Variants in DNAJC1 observed in about 807,000 individuals in gnomAD.
DNAJC1 encodes the protein DnaJ heat shock protein family (Hsp40) member C1, also known as dnaJ homolog subfamily C member 1.
Under a neutral mutation model 76.6 loss-of-function variants are expected in DNAJC1, and 58 were observed. That is an observed-to-expected ratio of 0.76 (90% CI 0.61 to 0.94). DNAJC1 has a LOEUF of 0.94. Ranked by LOEUF, DNAJC1 falls within the 40% of genes least tolerant of loss-of-function variation. The pLI is 0.00. For missense variants in DNAJC1, 689 were observed against 677.3 expected, an observed-to-expected ratio of 1.02 and a Z score of -0.19; for synonymous variants, 258 against 267.9, an observed-to-expected ratio of 0.96 and a Z score of 0.36.
In DNAJC1 at chr10:22,003,608, C is replaced by T. The variant is rs1564851046; in HGVS notation, c.-174G>A. 2.8e-6 allele frequency: 2 copies of T among 723,528 alleles called. No individual in the cohort carries two copies. The highest frequency in any genetic ancestry group is 3.8e-6 in the Non-Finnish European group (2 of 525,438). The allele number at this position is 723,528 out of a possible 1,614,324, so 44.8% of individuals were successfully genotyped here. On this transcript the variant is annotated 5_prime_UTR_variant, in exon 1 of 12. Coordinates refer to ENST00000376980, the MANE Select transcript of DNAJC1 (RefSeq NM_022365.4). Reference sequence around the variant, plus strand: ...GACAGAGCGCGGAGGCGGCGGGAGCCGGCTGCCGGACGGGCGGGTGGGTAG... The same window carrying T: ...GACAGAGCGCGGAGGCGGCGGGAGCTGGCTGCCGGACGGGCGGGTGGGTAG...
chr10:21,892,641 C>G (rs1162007091), intron 7 of DNAJC1, among the ~76,000 whole-genome samples: 1 of 151,800 alleles, frequency 6.6e-6, no homozygotes, highest in Admixed American at 6.6e-5. Flanking sequence ...ATAACAAACT[C>G]ATTTCAAATA....
intron 1 of DNAJC1, among the ~76,000 whole-genome samples, chr10:21,941,715 T>C (rs980955817): frequency 1.3e-5 from 2 of 152,156 alleles, no homozygotes; most frequent in East Asian, 1.9e-4. Context: ...TGATTTGTAA[T>C]ATATGTGTCT....
chr10:21,858,220 A>G (rs1835869475), intron 8 of DNAJC1, among the ~76,000 whole-genome samples: 1 of 152,176 alleles, frequency 6.6e-6, no homozygotes, highest in Admixed American at 6.5e-5. Context: ...ACAAAAAGAA[A>G]CAGAACAGGC....
chr10:21,795,366 C>T (rs760472736), intron 9 of DNAJC1, among the ~76,000 whole-genome samples: 1 of 152,112 alleles, frequency 6.6e-6, no homozygotes, highest in Admixed American at 6.6e-5. Context: ...ATACCTTTCG[C>T]CAAGTGAAAG....
At chr10:21,955,971 C>T (rs1219400143) in intron 1 of DNAJC1, among the ~76,000 whole-genome samples, 1 of 152,158 alleles carries the variant, frequency 6.6e-6, no homozygotes, top group Non-Finnish European at 1.5e-5. Flanking sequence ...ATTTTACCTT[C>T]GAATTCTTTT....
At chr10:21,906,706 T>C (rs1007197481) in intron 6 of DNAJC1, among the ~76,000 whole-genome samples, 4 of 152,184 alleles carry the variant, frequency 2.6e-5, no homozygotes, top group African/African-American at 9.7e-5. Flanking sequence ...TTACTAGCTA[T>C]GTGACATTCA....
At chr10:21,840,785 T>C (rs1316516525) in intron 8 of DNAJC1, among the ~76,000 whole-genome samples, 2 of 152,138 alleles carry the variant, frequency 1.3e-5, no homozygotes, top group Middle Eastern at 3.2e-3. Flanking sequence ...AAAAAGAGCC[T>C]GCATCGCCAA....
intron 9 of DNAJC1, among the ~76,000 whole-genome samples, chr10:21,787,967 G>A (rs1010190549): frequency 1.3e-5 from 2 of 152,236 alleles, no homozygotes; most frequent in African/African-American, 4.8e-5. Flanking sequence ...CTGGGGGCTA[G>A]TAGTCATGGT....
intron 8 of DNAJC1, among the ~76,000 whole-genome samples, chr10:21,808,453 A>T (rs1007747359): frequency 1.3e-5 from 2 of 152,104 alleles, no homozygotes; most frequent in African/African-American, 4.8e-5. Context: ...GACAGTCTTA[A>T]GTTTCATAGT....
chr10:21,813,327 G>A (rs987879855), intron 8 of DNAJC1, among the ~76,000 whole-genome samples: 12 of 149,836 alleles, frequency 8.0e-5, no homozygotes, highest in African/African-American at 1.7e-4. Context: ...CCGCTCAAGC[G>A]GCCCAATGGA....
intron 8 of DNAJC1, among the ~76,000 whole-genome samples, chr10:21,835,941 G>A (rs892077644): frequency 2.6e-5 from 4 of 152,140 alleles, no homozygotes; most frequent in Admixed American, 6.5e-5. Flanking sequence ...ATCTAGCAAG[G>A]CAGGCCACCA....
At chr10:21,761,355 T>C (rs1489492496) in intron 10 of DNAJC1, among the ~76,000 whole-genome samples, 1 of 151,796 alleles carries the variant, frequency 6.6e-6, no homozygotes, top group East Asian at 1.9e-4. Context: ...AGGTCAGGAG[T>C]TCGAGACCAG....
At chr10:21,774,806 A>G (rs1834432595) in intron 9 of DNAJC1, among the ~76,000 whole-genome samples, 1 of 152,230 alleles carries the variant, frequency 6.6e-6, no homozygotes, top group Non-Finnish European at 1.5e-5. Context: ...TCTTACAGAC[A>G]AATAGATTCC....
intron 8 of DNAJC1, among the ~76,000 whole-genome samples, chr10:21,868,786 T>C (rs1016481616): frequency 3.3e-5 from 5 of 151,846 alleles, no homozygotes; most frequent in African/African-American, 9.7e-5. Flanking sequence ...CAAAGAAAAC[T>C]TGAAAAACTA....
At chr10:21,945,629 A>G (rs1837491732) in intron 1 of DNAJC1, among the ~76,000 whole-genome samples, 2 of 152,164 alleles carry the variant, frequency 1.3e-5, no homozygotes, top group Admixed American at 6.6e-5. Flanking sequence ...AGATGAAAGT[A>G]TTTGAGTATA....
At chr10:21,897,263 C>G (rs1019059512) in intron 7 of DNAJC1, among the ~76,000 whole-genome samples, 5 of 152,004 alleles carry the variant, frequency 3.3e-5, no homozygotes, top group African/African-American at 9.7e-5. Context: ...GGTGTTTACT[C>G]CAAGTATGCA....
At chr10:21,883,815 A>C (rs1836323018) in intron 7 of DNAJC1, among the ~76,000 whole-genome samples, 1 of 152,202 alleles carries the variant, frequency 6.6e-6, no homozygotes, top group African/African-American at 2.4e-5. Context: ...CCAAATTCAA[A>C]GTACAGTATT....
chr10:21,959,541 A>T (rs1446105010), intron 1 of DNAJC1, among the ~76,000 whole-genome samples: 1 of 152,082 alleles, frequency 6.6e-6, no homozygotes, highest in African/African-American at 2.4e-5. Flanking sequence ...CTGTGATCCC[A>T]GCACTTTGGG....
chr10:21,861,379 T>A (rs1276726839), intron 8 of DNAJC1, among the ~76,000 whole-genome samples: 1 of 152,160 alleles, frequency 6.6e-6, no homozygotes. Context: ...CAAATCCTAA[T>A]AGACTTAACC....
Sources: allele counts gnomAD v4.1 joint callset (sites outside exome capture counted in the v4.1 genomes callset), GRCh38; gene constraint gnomAD v4.1.1; transcripts MANE v1.5; gene names NCBI Gene and HGNC (gene_info 2026-07-23, HGNC 2026-07-21).